PPM1K: variants seen among roughly 807,000 people sequenced by gnomAD.
PPM1K encodes protein phosphatase Mn(2+)-dependent 1K.
In PPM1K, 19 loss-of-function variants were observed where a neutral mutation model predicts 32.6. The ratio of observed to expected loss-of-function variants is 0.58; its 90% CI spans 0.41 to 0.86. The LOEUF (loss-of-function observed/expected upper bound fraction) is 0.86, where lower values mean the gene tolerates loss of function less well. PPM1K is among the 40% of genes least tolerant of loss of function. The pLI is 0.00. For missense variants in PPM1K, 362 were observed against 461.2 expected (o/e 0.78, Z 1.97); for synonymous variants, 159 against 165.3 (o/e 0.96, Z 0.29).
In PPM1K at chr4:88,266,542, A is replaced by G. The variant is rs1282425665; in HGVS notation, c.853-1407T>C. 6.4e-5 allele frequency among the ~76,000 whole-genome samples: 7 copies of G among 109,452 alleles called. 1 individual carries two copies. Among genetic ancestry groups the G allele is most frequent in the South Asian group, 6.4e-4 (2 of 3,142 alleles). The allele number at this position is 109,452 out of a possible 152,430, so 71.8% of individuals were successfully genotyped here. On this transcript the variant is annotated intron_variant, in intron 5 of 6. Coordinates refer to ENST00000608933, the MANE Select transcript of PPM1K (RefSeq NM_152542.5). Reference sequence around the variant, plus strand: ...TGCTGATTGGGTGCAGGTGATGCTGATTGACTGCGTGCAGGTGATGCTAGC... The same window carrying G: ...TGCTGATTGGGTGCAGGTGATGCTGGTTGACTGCGTGCAGGTGATGCTAGC...
rs757930320 is a variant in PPM1K at position 88,262,598 on chromosome 4, G to C, written c.1116C>G (p.Ala372=). 1 of 1,613,722 alleles carries C rather than the reference G, an allele frequency of 6.2e-7. No individual in the cohort carries two copies. The highest frequency in any genetic ancestry group is 8.5e-7 in the Non-Finnish European group (1 of 1,179,860). The part of the protein sequence containing the change: ...SRSFASSGRW[A] ...AACTCTAAGTCCCAGCTGGTAATCAGGCCCATCGTCCACTGGAGGCAAAGC... is the reference window on the plus strand; with the variant it reads ...AACTCTAAGTCCCAGCTGGTAATCACGCCCATCGTCCACTGGAGGCAAAGC... Residue 372 remains alanine, a synonymous_variant, in exon 7 of 7, where the codon GCC becomes GCG. Coordinates refer to ENST00000608933, the MANE Select transcript of PPM1K (RefSeq NM_152542.5).
At chr4:88,275,463 A>G (rs1731726680) in intron 3 of PPM1K, 17 of 985,292 alleles carry the variant, frequency 1.7e-5, no homozygotes, top group Middle Eastern at 5.2e-4. Context: ...TAATAAAAGG[A>G]GTCCTGTCAT....
Position 88,268,886 on chromosome 4 carries a change from T to A in PPM1K, c.562A>T (p.Thr188Ser). Reference sequence around the variant, plus strand: ...CGCAATAGGGCTACTGTTGCAGTAGTCCCAGAGGTCAGAAGAGTTGCTACA... The same window carrying A: ...CGCAATAGGGCTACTGTTGCAGTAGACCCAGAGGTCAGAAGAGTTGCTACA... ...SADATLLTSG[T>S]TATVALLRDG... The change falls in exon 4 of 7, where the codon ACT becomes TCT. Residue 188 changes from threonine (T) to serine (S), a missense_variant. By Grantham distance (58) the Thr-to-Ser change is moderately conservative. Transcript: ENST00000608933. 6.2e-7 allele frequency: 1 copy of A among 1,612,342 alleles called. No homozygotes were observed. Among genetic ancestry groups the A allele is most frequent in the Non-Finnish European group, 8.5e-7 (1 of 1,179,372 alleles).
chr4:88,268,429 T>G (rs1419039922), intron 4 of PPM1K, 95 bp from the exon 5 acceptor site: 3 of 1,401,798 alleles, frequency 2.1e-6, no homozygotes, highest in Non-Finnish European at 2.0e-6. Flanking sequence ...GAGACCATCC[T>G]GGCTAACACG....
At chr4:88,266,289 A>G (rs768752843) in intron 5 of PPM1K, among the ~76,000 whole-genome samples, 5 of 152,254 alleles carry the variant, frequency 3.3e-5, no homozygotes, top group Admixed American at 6.5e-5. Flanking sequence ...GACACTGATT[A>G]GTAGCATGCA....
chr4:88,263,595 T>C (rs1731204977), intron 6 of PPM1K, among the ~76,000 whole-genome samples: 2 of 152,156 alleles, frequency 1.3e-5, no homozygotes, highest in Admixed American at 1.3e-4. Context: ...TGTACCACCA[T>C]GCCCAGCTAA....
At chr4:88,283,053 C>G (rs1478713683) in intron 1 of PPM1K, among the ~76,000 whole-genome samples, 1 of 152,248 alleles carries the variant, frequency 6.6e-6, no homozygotes, top group East Asian at 1.9e-4. Context: ...GACACACACA[C>G]ACGCACGTGC....
chr4:88,275,534 A>G (rs1731730774), intron 3 of PPM1K: 1 of 985,446 alleles, frequency 1.0e-6, no homozygotes, highest in Admixed American at 6.1e-5. Flanking sequence ...ATACTTTTAA[A>G]AGAGGCTGAT....
Position 88,278,857 on chromosome 4 carries a change from A to G in PPM1K, c.-59-215T>C. On this transcript the variant is annotated intron_variant, in intron 1 of 6. Transcript: ENST00000608933. This position sits in a 1 kb window ranked among gnomAD's most constrained non-coding sequence, Gnocchi z 4.2. ...GGCATCCAGTAGCCTGCTTCTAAGA[A>G]CAGTGGATCAAAAATGAATCGATTT... is the stretch of plus-strand genomic sequence containing the variant. 1 of 374,400 alleles carries G rather than the reference A, an allele frequency of 2.7e-6. No individual in the cohort carries two copies. The highest frequency in any genetic ancestry group is 4.8e-6 in the Non-Finnish European group (1 of 206,316). 23.2% of individuals were successfully genotyped at this position (374,400 alleles called of 1,614,324 possible).
chr4:88,275,503 T>C lies in PPM1K; in HGVS notation c.541+1640A>G, dbSNP rs1039331588. ...TACATCAAGTCAATCACCGATTGGT[T>C]TAAGCATCTACATTGACTAGATACT... On this transcript the variant is annotated intron_variant, in intron 3 of 6. Coordinates refer to ENST00000608933, the MANE Select transcript of PPM1K (RefSeq NM_152542.5). The C allele has an allele frequency of 1.6e-5, 16 of 985,394 alleles. No homozygotes were observed. The Middle Eastern group carries it at 1.6e-3, about 97-fold the overall frequency. The allele number at this position is 985,394 out of a possible 1,614,324, so 61.0% of individuals were successfully genotyped here.
chr4:88,265,207 T>A (rs1731258472), intron 5 of PPM1K, 72 bp from the exon 6 acceptor site: 2 of 1,560,996 alleles, frequency 1.3e-6, no homozygotes, highest in South Asian at 2.3e-5. Context: ...AATTCAAAGA[T>A]TTTACCTGTT....
At chr4:88,274,670 G>A (rs1045912274) in intron 3 of PPM1K, among the ~76,000 whole-genome samples, 7 of 152,132 alleles carry the variant, frequency 4.6e-5, no homozygotes, top group Non-Finnish European at 1.0e-4. Context: ...TACTGCTTCA[G>A]TTCTTGCTAA....
chr4:88,260,561 G>A lies in PPM1K; in HGVS notation c.*2034C>T, dbSNP rs1392103924. ...GAATGTTAACAGTCTTTCCTGTGAT[G>A]TTTTTCCTTCTTTCACCTAACTTCC... On this transcript the variant is annotated 3_prime_UTR_variant, in exon 7 of 7. Transcript: ENST00000608933. The A allele has an allele frequency of 6.6e-6, 1 of 151,386 alleles. No individual in the cohort carries two copies. The highest frequency in any genetic ancestry group is 1.5e-5 in the Non-Finnish European group (1 of 67,930). The allele number at this position is 151,386 out of a possible 1,614,324, so 9.4% of individuals were successfully genotyped here. A position where few individuals can be genotyped will look rare whatever the true frequency, so the allele number is the denominator to read the frequency against.
In PPM1K at chr4:88,277,185, T is replaced by C. The variant is rs768654256; in HGVS notation, c.499A>G (p.Ile167Val). ...GCATGACTCGAAAAGGCTTTATCTA[T>C]TTCTAGAAAAGCCAAGGTCAACAGA... is the stretch of plus-strand genomic sequence containing the variant. ...ETLLTLAFLEIDKAFSSHARL... is the reference protein window; with the variant it reads ...ETLLTLAFLEVDKAFSSHARL... The change falls in exon 3 of 7, where the codon ATA becomes GTA. Residue 167 changes from isoleucine to valine, a missense_variant. Transcript: ENST00000608933. The C allele has an allele frequency of 8.7e-6, 14 of 1,614,056 alleles. 1 individual carries two copies. The African/African-American group carries it at 1.6e-4, about 18-fold the overall frequency.
rs968277987 is a variant in PPM1K, at chr4:88,278,712, C to CAG, written c.-59-72_-59-71dup. The CAG allele has an allele frequency of 7.2e-5, 50 of 692,392 alleles. No homozygotes were observed. The Admixed American group carries it at 8.1e-4, about 11-fold the overall frequency. The allele number at this position is 692,392 out of a possible 1,614,324, so 42.9% of individuals were successfully genotyped here. On this transcript the variant is annotated intron_variant, in intron 1 of 6. Transcript: ENST00000608933. This position sits in a 1 kb window ranked among gnomAD's most constrained non-coding sequence, Gnocchi z 4.2. ...GGGCAGAGGAGGAGAGGGAGAGAGA[C>CAG]AGAGAGAGAGAGACCATCAGAAATT... is the stretch of plus-strand genomic sequence containing the variant.
intron 3 of PPM1K, among the ~76,000 whole-genome samples, chr4:88,270,334 C>T (rs1731509231): frequency 6.6e-6 from 1 of 152,174 alleles, no homozygotes; most frequent in South Asian, 2.1e-4. Flanking sequence ...TGAGAAATAA[C>T]ATTTATAGTT....
At chr4:88,280,243 A>AAAT (rs1731955673) in intron 1 of PPM1K, among the ~76,000 whole-genome samples, 1 of 152,200 alleles carries the variant, frequency 6.6e-6, no homozygotes, top group Admixed American at 6.5e-5. Context: ...GACTGGCCTC[A>AAAT]ATCTTTAGAT....
intron 3 of PPM1K, among the ~76,000 whole-genome samples, chr4:88,272,859 C>T (rs568084347): frequency 6.6e-5 from 10 of 152,258 alleles, no homozygotes; most frequent in African/African-American, 1.4e-4. Flanking sequence ...TTATTTTCTA[C>T]TCAAACAATA....
chr4:88,265,595 G>T (rs1400324314), intron 5 of PPM1K, among the ~76,000 whole-genome samples: 3 of 152,198 alleles, frequency 2.0e-5, no homozygotes, highest in Non-Finnish European at 4.4e-5. Context: ...TATTAGCAGT[G>T]TGAGAACAGA....
Sources: allele counts gnomAD v4.1 joint callset (sites outside exome capture counted in the v4.1 genomes callset), GRCh38; gene constraint gnomAD v4.1.1; non-coding constraint Gnocchi (gnomAD v3.1); transcripts MANE v1.5; gene names NCBI Gene and HGNC (gene_info 2026-07-23, HGNC 2026-07-21).